Variants in ANKRD36 observed in about 807,000 individuals in gnomAD.
ANKRD36 encodes ankyrin repeat domain-containing protein 36A.
A neutral mutation model predicts 278.1 loss-of-function variants in ANKRD36; 179 were observed. That is an observed-to-expected ratio of 0.64 (90% CI 0.57 to 0.73). The LOEUF is 0.73. ANKRD36 is among the 30% of genes least tolerant of loss of function. The probability of loss-of-function intolerance (pLI) is 0.00; values close to 1 mark genes in which losing one functional copy is unlikely to be tolerated. For missense variants in ANKRD36, 1,159 were observed against 1,956.7 expected (o/e 0.59, Z 7.69); for synonymous variants, 320 against 641.1 (o/e 0.50, Z 7.57).
chr2:97,196,990 A>C lies in ANKRD36; in HGVS notation c.2653+202A>C, dbSNP rs1464575535. Among the ~76,000 whole-genome samples the C allele has an allele frequency of 9.9e-4, 151 of 151,948 alleles. No individual in the cohort carries two copies. In the East Asian group the frequency reaches 0.011, roughly 11 times the overall value. On this transcript the variant is annotated intron_variant, in intron 42 of 75. Transcript: ENST00000420699. ...CTTCGCCGTAAGATTATACACTTCC[A>C]CACTTTGAAGTTGGGAAGAAGATAT...
intron 8 of ANKRD36, among the ~76,000 whole-genome samples, chr2:97,143,919 T>C: frequency 6.6e-6 from 1 of 152,068 alleles, no homozygotes; most frequent in Non-Finnish European, 1.5e-5. Context: ...GTAGGCACAT[T>C]ATGACACCAC....
chr2:97,178,909 T>C lies in ANKRD36; in HGVS notation c.1634-829T>C, dbSNP rs1014549611. On this transcript the variant is annotated intron_variant, in intron 22 of 75. Coordinates refer to ENST00000420699, the MANE Select transcript of ANKRD36 (RefSeq NM_001354587.1). ...ACTATTTTAGAAGTGAAAATAATGT[T>C]GAATTCATTACTTGACTCCCAAATG... is the stretch of plus-strand genomic sequence containing the variant. 1.5e-4 allele frequency among the ~76,000 whole-genome samples: 22 copies of C among 151,708 alleles called. 1 individual carries two copies. Among genetic ancestry groups the C allele is most frequent in the African/African-American group, 5.3e-4 (22 of 41,386 alleles).
chr2:97,229,392 T>A (rs1431358048), intron 67 of ANKRD36, among the ~76,000 whole-genome samples: 7 of 152,106 alleles, frequency 4.6e-5, no homozygotes, highest in African/African-American at 1.7e-4. Context: ...CATTATGTAA[T>A]GGCCTTCTTT....
intron 48 of ANKRD36, among the ~76,000 whole-genome samples, chr2:97,202,624 G>T (rs1403967914): frequency 1.4e-4 from 22 of 151,814 alleles, no homozygotes; most frequent in South Asian, 4.2e-4. Context: ...AATATACATG[G>T]AGAGCAGTTG....
At chr2:97,211,411 GAC>G (rs200454643) in intron 56 of ANKRD36, 133 bp from the exon 57 acceptor site, 27,392 of 1,373,214 alleles carry the variant, frequency 0.02, no homozygotes, top group Non-Finnish European at 0.024. Context: ...CTGGTCCCCA[GAC>G]ACAAAGTAGA....
chr2:97,134,173 A>C (rs2923968), intron 6 of ANKRD36, among the ~76,000 whole-genome samples: 1 of 146,452 alleles, frequency 6.8e-6, no homozygotes, highest in African/African-American at 2.5e-5. Flanking sequence ...TATCTTTTTC[A>C]ATATTACAGA....
intron 67 of ANKRD36, among the ~76,000 whole-genome samples, chr2:97,231,618 TCA>T (rs1406112906): frequency 6.6e-6 from 1 of 152,126 alleles, no homozygotes; most frequent in Non-Finnish European, 1.5e-5. Flanking sequence ...CTCCTTTGGG[TCA>T]CACACGGTGC....
chr2:97,159,579 T>C (rs1459330349), intron 17 of ANKRD36, among the ~76,000 whole-genome samples: 7 of 151,880 alleles, frequency 4.6e-5, no homozygotes, highest in Admixed American at 2.0e-4. Context: ...TTTGAATGAA[T>C]CATTACTTTT....
intron 40 of ANKRD36, among the ~76,000 whole-genome samples, chr2:97,196,011 G>A (rs1201529611): frequency 6.6e-6 from 1 of 151,936 alleles, no homozygotes; most frequent in African/African-American, 2.4e-5. Flanking sequence ...ACACTACATG[G>A]GTGTGAGAGA....
chr2:97,232,837 A>AT (rs2072622075), intron 67 of ANKRD36, among the ~76,000 whole-genome samples: 2 of 152,048 alleles, frequency 1.3e-5, no homozygotes, highest in Non-Finnish European at 2.9e-5. Context: ...CAAGAAACCC[A>AT]GAAGTAGTTA....
chr2:97,211,832 C>G lies in ANKRD36; in HGVS notation c.3469+91C>G, dbSNP rs1298764261. The G allele has an allele frequency of 2.9e-6, 4 of 1,384,732 alleles. No individual in the cohort carries two copies. The African/African-American group carries it at 5.8e-5, about 20-fold the overall frequency. 85.8% of individuals were successfully genotyped at this position (1,384,732 alleles called of 1,614,324 possible). A position where few individuals can be genotyped will look rare whatever the true frequency, so the allele number is the denominator to read the frequency against. On this transcript the variant is annotated intron_variant, in intron 58 of 75. Transcript: ENST00000420699. ...TAAAACAGCGGGGGGTTCGTCAAGCCTTCATGTTCTGCTTCAGTATTCCTG... is the reference window on the plus strand; with the variant it reads ...TAAAACAGCGGGGGGTTCGTCAAGCGTTCATGTTCTGCTTCAGTATTCCTG...
intron 4 of ANKRD36, among the ~76,000 whole-genome samples, chr2:97,123,820 ATATT>A (rs1209485426): frequency 7.2e-6 from 1 of 138,744 alleles, no homozygotes; most frequent in Non-Finnish European, 1.5e-5. Flanking sequence ...AATACACTAT[ATATT>A]ATATATTTTA....
intron 17 of ANKRD36, among the ~76,000 whole-genome samples, chr2:97,161,765 C>T (rs2924000): frequency 2.6e-5 from 4 of 152,246 alleles, no homozygotes; most frequent in Admixed American, 6.5e-5. Context: ...ACACTTCACA[C>T]TCTTAGTCTT....
intron 22 of ANKRD36, among the ~76,000 whole-genome samples, chr2:97,170,968 C>T (rs1384509313): frequency 1.3e-4 from 19 of 151,374 alleles, no homozygotes; most frequent in African/African-American, 4.6e-4. Flanking sequence ...CATCACTGGC[C>T]ATCAGAGAAA....
At position 97,228,850 on chromosome 2, in the gene ANKRD36, T is replaced by C. The variant is rs2070880290; in HGVS notation, c.3951+3971T>C. Among the ~76,000 whole-genome samples, 5 of 152,012 alleles carry C rather than the reference T, an allele frequency of 3.3e-5. No individual in the cohort carries two copies. The South Asian group carries it at 1.1e-3, about 32-fold the overall frequency. ...TGGTATGTTGTGTCTTTGTTCTCATTGGTTTCAAAGAACATCTTTATTTCT... is the reference window on the plus strand; with the variant it reads ...TGGTATGTTGTGTCTTTGTTCTCATCGGTTTCAAAGAACATCTTTATTTCT... On this transcript the variant is annotated intron_variant, in intron 67 of 75. Transcript: ENST00000420699.
chr2:97,116,815 A>C (rs1278207004), intron 1 of ANKRD36, among the ~76,000 whole-genome samples: 1 of 152,090 alleles, frequency 6.6e-6, no homozygotes, highest in Non-Finnish European at 1.5e-5. Context: ...TTCCAAAAGC[A>C]CTGCTTTAAT....
intron 36 of ANKRD36, among the ~76,000 whole-genome samples, chr2:97,191,474 C>T (rs1201932286): frequency 1.3e-5 from 2 of 151,486 alleles, no homozygotes; most frequent in South Asian, 2.1e-4. Context: ...AACTCTACAG[C>T]GTTTTCAGTA....
At position 97,131,604 on chromosome 2, in the gene ANKRD36, T is replaced by C. The variant is rs1389671265; in HGVS notation, c.799+4470T>C. ...TGGATAACTCATCCTACATTTTAAA[T>C]GCAGTTTTTGACTTTTTGACCTGTT... On this transcript the variant is annotated intron_variant, in intron 6 of 75. Transcript: ENST00000420699. 2.6e-5 allele frequency among the ~76,000 whole-genome samples: 4 copies of C among 152,090 alleles called. No individual in the cohort carries two copies. In the South Asian group the frequency reaches 8.3e-4, roughly 32 times the overall value.
At chr2:97,171,641 T>C in intron 22 of ANKRD36, among the ~76,000 whole-genome samples, 1 of 144,342 alleles carries the variant, frequency 6.9e-6, no homozygotes, top group Admixed American at 7.0e-5. Context: ...GCATGGCACA[T>C]GTATACATAT....
Sources: allele counts gnomAD v4.1 joint callset (sites outside exome capture counted in the v4.1 genomes callset), GRCh38; gene constraint gnomAD v4.1.1; transcripts MANE v1.5; gene names NCBI Gene and HGNC (gene_info 2026-07-23, HGNC 2026-07-21).